GREB1L: variants seen among roughly 807,000 people sequenced by gnomAD.
GREB1L encodes the protein GREB1 like retinoic acid receptor coactivator, also known as GREB1-like protein.
In GREB1L, 17 loss-of-function variants were observed where a neutral mutation model predicts 200.8. The ratio of observed to expected loss-of-function variants is 0.08; its 90% CI spans 0.06 to 0.13. The LOEUF is 0.13. Among genes scored for constraint, GREB1L ranks in the 10% least tolerant of loss-of-function variants. GREB1L has a pLI of 1.00. For synonymous variants in GREB1L, 789 were observed against 893.0 expected (o/e 0.88, Z 2.08); for missense variants, 1,657 against 2,367.7 (o/e 0.70, Z 6.23).
intron 1 of GREB1L, among the ~76,000 whole-genome samples, chr18:21,287,863 C>T (rs2038382620): frequency 3.4e-5 from 5 of 148,740 alleles, no homozygotes; most frequent in East Asian, 4.0e-4. Flanking sequence ...GGCATGATCT[C>T]GGCTCACTGC....
intron 1 of GREB1L, among the ~76,000 whole-genome samples, chr18:21,314,983 A>G (rs902352112): frequency 4.6e-5 from 7 of 152,224 alleles, no homozygotes; most frequent in Non-Finnish European, 8.8e-5. Flanking sequence ...CTTTGTAACC[A>G]TTAATGTAGG....
At position 21,262,649 on chromosome 18, in the gene GREB1L, A is replaced by G. The variant is rs946877057; in HGVS notation, c.-120+20256A>G. On this transcript the variant is annotated intron_variant, in intron 1 of 32. Coordinates refer to ENST00000424526, the MANE Select transcript of GREB1L (RefSeq NM_001142966.3). The stretch of plus-strand genomic sequence containing the variant: ...CATGATTTGGAAGTTAGTATTAATC[A>G]TTATTCTAATTACTTGTATTAGTAG... 3.9e-5 allele frequency among the ~76,000 whole-genome samples: 6 copies of G among 152,160 alleles called. No individual in the cohort carries two copies. The South Asian group carries it at 6.2e-4, about 16-fold the overall frequency.
At position 21,473,214 on chromosome 18, in the gene GREB1L, G is replaced by A; in HGVS notation, c.2363+3G>A. The A allele has an allele frequency of 6.6e-7, 1 of 1,515,802 alleles. No individual in the cohort carries two copies. The highest frequency in any genetic ancestry group is 8.9e-7 in the Non-Finnish European group (1 of 1,126,900). 93.9% of individuals were successfully genotyped at this position (1,515,802 alleles called of 1,614,324 possible). ...AACTCCCATGTGGAACTAACGAGGT[G>A]ATTGGTTCAGAGTGAGCAAATGGAG... On this transcript the variant is annotated splice_donor_region_variant and intron_variant, in intron 16 of 32. Transcript: ENST00000424526.
chr18:21,274,668 C>T (rs1207245815), intron 1 of GREB1L, among the ~76,000 whole-genome samples: 1 of 152,080 alleles, frequency 6.6e-6, no homozygotes, highest in African/African-American at 2.4e-5. Context: ...CTGAGGTGGG[C>T]AGATCACTTG....
chr18:21,447,568 A>G (rs1432465158), intron 11 of GREB1L, among the ~76,000 whole-genome samples: 10 of 152,186 alleles, frequency 6.6e-5, no homozygotes, highest in Non-Finnish European at 1.3e-4. Context: ...TATGTTACTT[A>G]GTCCTGGAGT....
chr18:21,404,069 T>G, intron 7 of GREB1L, 75 bp downstream of exon 7: 1 of 1,288,778 alleles, frequency 7.8e-7, no homozygotes, highest in South Asian at 1.3e-5. Context: ...ATATACTTAC[T>G]GCTGGCTGGT....
intron 1 of GREB1L, among the ~76,000 whole-genome samples, chr18:21,338,624 T>C (rs1326400297): frequency 6.6e-6 from 1 of 152,264 alleles, no homozygotes; most frequent in Admixed American, 6.5e-5. Flanking sequence ...TGTCTGTTGA[T>C]TGTCTTCATC....
chr18:21,525,720 T>C lies in GREB1L; in HGVS notation c.*2899T>C, dbSNP rs538014015. On this transcript the variant is annotated 3_prime_UTR_variant, in exon 33 of 33. Transcript: ENST00000424526. ...CAAACTTTTTGAGAGTGTCTCAAAG[T>C]TGCTAGAACTATGTAGTATGAAGAT... 4.6e-5 allele frequency among the ~76,000 whole-genome samples: 7 copies of C among 152,328 alleles called. No individual in the cohort carries two copies. The South Asian group carries it at 1.4e-3, about 32-fold the overall frequency.
At chr18:21,481,358 A>G (rs1463258640) in intron 17 of GREB1L, among the ~76,000 whole-genome samples, 1 of 151,908 alleles carries the variant, frequency 6.6e-6, no homozygotes, top group African/African-American at 2.4e-5. Flanking sequence ...AAATATACAC[A>G]TGGAGGCTGT....
At chr18:21,495,050 T>C (rs974828117) in intron 19 of GREB1L, among the ~76,000 whole-genome samples, 8 of 148,518 alleles carry the variant, frequency 5.4e-5, no homozygotes, top group Admixed American at 1.3e-4. Flanking sequence ...CGTTTTGTTG[T>C]TTTTTTCTCA....
rs555564967 is a variant in GREB1L, at chr18:21,385,886, C to T, written c.355+1483C>T. ...ACATGGGAGAGAGGTTTCCATTCTT[C>T]CTGTGCCCTAGGTATGTTTTTAGTT... On this transcript the variant is annotated intron_variant, in intron 4 of 32. Transcript: ENST00000424526. Among the ~76,000 whole-genome samples, 3 of 152,288 alleles carry T rather than the reference C, an allele frequency of 2.0e-5. No homozygotes were observed. The South Asian group carries it at 6.2e-4, about 32-fold the overall frequency.
chr18:21,513,895 G>C lies in GREB1L; in HGVS notation c.4810G>C (p.Gly1604Arg), dbSNP rs1475218855. 6.4e-7 allele frequency: 1 copy of C among 1,551,632 alleles called. No individual in the cohort carries two copies. Among genetic ancestry groups the C allele is most frequent in the South Asian group, 1.2e-5 (1 of 84,058 alleles). The stretch of plus-strand genomic sequence containing the variant: ...GGAGAGAAACCGCCTGGAGGAGCTA[G>C]GCATTAAACGCCAGTGTGTCTGGCC... ...ELERNRLEEL[G>R]IKRQCVWPFI... The change falls in exon 28 of 33, where the codon GGC becomes CGC. Residue 1604 changes from glycine (G) to arginine (R), a missense_variant. Coordinates refer to ENST00000424526, the MANE Select transcript of GREB1L (RefSeq NM_001142966.3).
intron 1 of GREB1L, among the ~76,000 whole-genome samples, chr18:21,288,388 A>G (rs574559742): frequency 6.6e-6 from 1 of 152,284 alleles, no homozygotes; most frequent in East Asian, 1.9e-4. Context: ...CTGTAGCCAG[A>G]TTACTGCTTT....
At chr18:21,505,225 A>T (rs1450458065) in intron 23 of GREB1L, among the ~76,000 whole-genome samples, 187 bp from the exon 24 acceptor site, 1 of 152,216 alleles carries the variant, frequency 6.6e-6, no homozygotes, top group Non-Finnish European at 1.5e-5. Context: ...GGGGCCAGTG[A>T]GGGCAAATGT....
chr18:21,452,020 A>G (rs1598864277), intron 13 of GREB1L, 63 bp from the exon 14 acceptor site: 8 of 1,483,896 alleles, frequency 5.4e-6, no homozygotes, highest in Non-Finnish European at 6.4e-6. Flanking sequence ...CAACTTGGGC[A>G]GTTAATAAAA....
At chr18:21,337,023 C>T (rs2039195873) in intron 1 of GREB1L, among the ~76,000 whole-genome samples, 1 of 152,160 alleles carries the variant, frequency 6.6e-6, no homozygotes, top group South Asian at 2.1e-4. Flanking sequence ...TCATTTGCAG[C>T]CTCCTTAACC....
intron 19 of GREB1L, among the ~76,000 whole-genome samples, chr18:21,492,142 C>G (rs909832852): frequency 6.6e-6 from 1 of 151,932 alleles, no homozygotes; most frequent in Admixed American, 6.6e-5. Context: ...GTCAGGAGAT[C>G]AAGACCACCC....
At chr18:21,369,714 A>G (rs1041722079) in intron 2 of GREB1L, among the ~76,000 whole-genome samples, 1 of 152,164 alleles carries the variant, frequency 6.6e-6, no homozygotes, top group Non-Finnish European at 1.5e-5. Flanking sequence ...TACCTAAAAT[A>G]CTTTTGGCTT....
rs536188766 is a variant in GREB1L at position 21,440,275 on chromosome 18, T to C, written c.956T>C (p.Met319Thr). The C allele has an allele frequency of 6.4e-7, 1 of 1,551,554 alleles. No individual in the cohort carries two copies. Among genetic ancestry groups the C allele is most frequent in the Non-Finnish European group, 8.7e-7 (1 of 1,146,982 alleles). Residue 319 changes from methionine (M) to threonine (T), a missense_variant, in exon 9 of 33, where the codon ATG (methionine) becomes ACG (threonine). This residue lies in a region of GREB1L where 289 missense variants were observed against 345.1 expected (regional missense o/e 0.84). Coordinates refer to ENST00000424526, the MANE Select transcript of GREB1L (RefSeq NM_001142966.3). ...TTTTTTTGTTTGTCTTCAGCTACCA[T>C]GTTCATTTCTGGGCCACCAAAGAAA... Reference protein sequence around the residue: ...PSYASGDQATMFISGPPKKRH... With the variant: ...PSYASGDQATTFISGPPKKRH...
Sources: gnomAD v4.1 joint callset for allele counts (sites outside exome capture counted in the v4.1 genomes callset) on GRCh38, gnomAD v4.1.1 for gene constraint, gnomAD v4.1.1 regional missense constraint, MANE v1.5 for transcripts, NCBI Gene and HGNC (gene_info 2026-07-23, HGNC 2026-07-21) for gene names.